The following CHRNA7 variants were observed in gnomAD, a reference collection of about 807,000 sequenced individuals.
CHRNA7 encodes neuronal acetylcholine receptor subunit alpha-7.
In CHRNA7, 17 loss-of-function variants were observed where a neutral mutation model predicts 48.0. The ratio of observed to expected loss-of-function variants is 0.35; its 90% CI spans 0.24 to 0.53. The LOEUF is 0.53. CHRNA7 is among the 20% of genes least tolerant of loss of function. The pLI is 0.92. For missense variants in CHRNA7, 155 were observed against 577.7 expected, an observed-to-expected ratio of 0.27 and a Z score of 7.50; for synonymous variants, 75 against 242.3, an observed-to-expected ratio of 0.31 and a Z score of 6.41.
intron 3 of CHRNA7, among the ~76,000 whole-genome samples, chr15:32,107,922 C>T (rs1566843954): frequency 6.6e-6 from 1 of 152,142 alleles, no homozygotes; most frequent in Non-Finnish European, 1.5e-5. Context: ...TCAGAAGGGG[C>T]TCTGTATGAA....
intron 4 of CHRNA7, among the ~76,000 whole-genome samples, chr15:32,123,330 A>G (rs984057640): frequency 6.6e-6 from 1 of 152,224 alleles, no homozygotes; most frequent in African/African-American, 2.4e-5. Context: ...TATGTTAAAT[A>G]TTTGAATAGC....
chr15:32,145,214 A>T (rs1175166117), intron 4 of CHRNA7, among the ~76,000 whole-genome samples: 1 of 152,182 alleles, frequency 6.6e-6, no homozygotes, highest in East Asian at 1.9e-4. Flanking sequence ...GGTCCACTCC[A>T]GACCCTGTTT....
intron 4 of CHRNA7, among the ~76,000 whole-genome samples, chr15:32,130,084 C>CT (rs2051130249): frequency 6.6e-6 from 1 of 152,000 alleles, no homozygotes. Flanking sequence ...GGTTTCACTT[C>CT]TTTTAAATGT....
intron 2 of CHRNA7, among the ~76,000 whole-genome samples, chr15:32,087,645 A>G (rs1217203528): frequency 6.6e-6 from 1 of 152,232 alleles, no homozygotes; most frequent in Middle Eastern, 3.4e-3. Flanking sequence ...TAAGTCTCCA[A>G]CTCTCACTCT....
At chr15:32,064,697 A>G (rs538622685) in intron 2 of CHRNA7, among the ~76,000 whole-genome samples, 1 of 152,232 alleles carries the variant, frequency 6.6e-6, no homozygotes, top group East Asian at 1.9e-4. Flanking sequence ...CTACCTGGGC[A>G]GTATGTGCCT....
At chr15:32,107,495 C>G (rs1224598901) in intron 3 of CHRNA7, among the ~76,000 whole-genome samples, 1 of 150,736 alleles carries the variant, frequency 6.6e-6, no homozygotes, top group African/African-American at 2.4e-5. Context: ...TTAATATCTA[C>G]TTATATAAAA....
intron 4 of CHRNA7, among the ~76,000 whole-genome samples, chr15:32,150,478 A>G (rs893946291): frequency 1.3e-5 from 2 of 152,212 alleles, no homozygotes; most frequent in African/African-American, 4.8e-5. Context: ...TTTAAAAGCA[A>G]TGCAAAGCTG....
At chr15:32,032,858 G>A (rs1189644430) in intron 2 of CHRNA7, among the ~76,000 whole-genome samples, 3 of 152,200 alleles carry the variant, frequency 2.0e-5, no homozygotes, top group Admixed American at 6.5e-5. Flanking sequence ...GAAGCTGCAG[G>A]CTTTCTTCTG....
intron 2 of CHRNA7, among the ~76,000 whole-genome samples, chr15:32,051,819 G>A (rs2049688143): frequency 6.6e-6 from 1 of 152,160 alleles, no homozygotes; most frequent in Non-Finnish European, 1.5e-5. Context: ...TGGTATTACA[G>A]GCATGCACCA....
intron 3 of CHRNA7, among the ~76,000 whole-genome samples, chr15:32,110,920 CA>C (rs763483045): frequency 3.9e-5 from 6 of 152,032 alleles, no homozygotes; most frequent in Admixed American, 6.6e-5. Flanking sequence ...TGGGTGGTAC[CA>C]GGGGGACAGA....
intron 2 of CHRNA7, among the ~76,000 whole-genome samples, chr15:32,088,457 G>T (rs2050333314): frequency 6.6e-6 from 1 of 152,168 alleles, no homozygotes; most frequent in Admixed American, 6.5e-5. Context: ...TAGGAATATA[G>T]TTGTTGTATC....
chr15:32,060,890 G>T (rs2049867895), intron 2 of CHRNA7, among the ~76,000 whole-genome samples: 1 of 152,176 alleles, frequency 6.6e-6, no homozygotes, highest in Admixed American at 6.5e-5. Flanking sequence ...TGCTGAAGCA[G>T]GCATCAGAGT....
At chr15:32,057,396 A>G (rs753869950) in intron 2 of CHRNA7, among the ~76,000 whole-genome samples, 78 of 152,266 alleles carry the variant, frequency 5.1e-4, no homozygotes, top group Non-Finnish European at 8.7e-4. Context: ...AAAGAAAAAA[A>G]TTTCCCTAAG....
chr15:32,087,895 T>C (rs1053620839), intron 2 of CHRNA7, among the ~76,000 whole-genome samples: 3 of 152,238 alleles, frequency 2.0e-5, no homozygotes, highest in Non-Finnish European at 4.4e-5. Context: ...TTGTAATGCA[T>C]TTGAATCCTT....
chr15:32,113,939 A>C (rs890967188), intron 4 of CHRNA7, among the ~76,000 whole-genome samples: 1 of 150,554 alleles, frequency 6.6e-6, no homozygotes, highest in Non-Finnish European at 1.5e-5. Context: ...CTGAGGTAGA[A>C]GGATCCCTTG....
chr15:32,030,537 G>C lies in CHRNA7; in HGVS notation c.-58G>C. 7.1e-7 allele frequency: 1 copy of C among 1,402,210 alleles called. No homozygotes were observed. The highest frequency in any genetic ancestry group is 9.2e-7 in the Non-Finnish European group (1 of 1,083,458). The allele number at this position is 1,402,210 out of a possible 1,614,324, so 86.9% of individuals were successfully genotyped here. A position where few individuals can be genotyped will look rare whatever the true frequency, so the allele number is the denominator to read the frequency against. ...GGTGCCTCTGTGGCCGCAGGCGCAG[G>C]CCCGGGCGACAGCCGAGACGTGGAG... On this transcript the variant is annotated 5_prime_UTR_variant, in exon 1 of 10. Transcript: ENST00000306901.
chr15:32,107,852 G>T (rs1265992555), intron 3 of CHRNA7, among the ~76,000 whole-genome samples: 2 of 152,076 alleles, frequency 1.3e-5, no homozygotes, highest in African/African-American at 4.8e-5. Flanking sequence ...CCCCATGAAA[G>T]CTATCTAGGT....
chr15:32,097,553 T>C (rs150926898), intron 2 of CHRNA7, among the ~76,000 whole-genome samples: 2,032 of 152,276 alleles, frequency 0.013, 49 homozygotes, highest in African/African-American at 0.046. Flanking sequence ...AGGTTAATCA[T>C]GGACTTCCAG....
intron 2 of CHRNA7, among the ~76,000 whole-genome samples, chr15:32,031,282 A>G (rs1346328440): frequency 6.6e-6 from 1 of 152,202 alleles, no homozygotes; most frequent in African/African-American, 2.4e-5. Context: ...CCACCTGTGC[A>G]TGGTTACTTG....
Sources: allele counts gnomAD v4.1 joint callset (sites outside exome capture counted in the v4.1 genomes callset), GRCh38; gene constraint gnomAD v4.1.1; transcripts MANE v1.5; gene names NCBI Gene and HGNC (gene_info 2026-07-23, HGNC 2026-07-21).